The following DUSP16 variants were observed in gnomAD, a reference collection of about 807,000 sequenced individuals.
DUSP16 encodes the protein dual specificity protein phosphatase 16.
DUSP16 carries 21 observed loss-of-function variants against 58.3 expected under a neutral mutation model. The observed-to-expected ratio is 0.36, with a 90% CI of 0.26 to 0.52. DUSP16 has a LOEUF of 0.52. Among genes scored for constraint, DUSP16 ranks in the 20% least tolerant of loss-of-function variants. The pLI, the probability that DUSP16 is intolerant of heterozygous loss-of-function variation, is 0.94. For missense variants in DUSP16, 726 were observed against 819.0 expected, an observed-to-expected ratio of 0.89 and a Z score of 1.39; for synonymous variants, 320 against 323.8, an observed-to-expected ratio of 0.99 and a Z score of 0.12.
chr12:12,501,531 A>G (rs1238871589), intron 3 of DUSP16, among the ~76,000 whole-genome samples: 2 of 152,234 alleles, frequency 1.3e-5, no homozygotes, highest in Non-Finnish European at 2.9e-5. Context: ...AAAATGAGTA[A>G]GGTTATTTGC....
intron 4 of DUSP16, among the ~76,000 whole-genome samples, chr12:12,495,102 G>C (rs990866118): frequency 2.0e-5 from 3 of 152,062 alleles, no homozygotes; most frequent in Non-Finnish European, 4.4e-5. Flanking sequence ...ATTTTGTAAA[G>C]CCAGTATGAG....
chr12:12,530,068 AT>A (rs373138096), intron 1 of DUSP16, among the ~76,000 whole-genome samples: 1 of 151,790 alleles, frequency 6.6e-6, no homozygotes, highest in African/African-American at 2.4e-5. Flanking sequence ...TCTATTTTTA[AT>A]TTTTTTTGAG....
At position 12,517,876 on chromosome 12, in the gene DUSP16, G is replaced by A. The variant is rs112329809; in HGVS notation, c.367+1986C>T. 1.7e-3 allele frequency among the ~76,000 whole-genome samples: 256 copies of A among 152,242 alleles called. 1 individual carries two copies. The highest frequency in any genetic ancestry group is 5.9e-3 in the African/African-American group (246 of 41,530). On this transcript the variant is annotated intron_variant, in intron 3 of 6. Coordinates refer to ENST00000298573, the MANE Select transcript of DUSP16 (RefSeq NM_030640.3). ...TTCCTGTTTGAAACAGGGATGTCAG[G>A]GTGTTCTGACTCAGTGTGTCACACC...
rs73291699 is a variant in DUSP16, at chr12:12,517,225, G to C, written c.367+2637C>G. Among the ~76,000 whole-genome samples, 428 of 152,302 alleles carry C rather than the reference G, an allele frequency of 2.8e-3. 2 individuals are homozygous for C. Among genetic ancestry groups the C allele is most frequent in the African/African-American group, 9.8e-3 (409 of 41,554 alleles). On this transcript the variant is annotated intron_variant, in intron 3 of 6. Coordinates refer to ENST00000298573, the MANE Select transcript of DUSP16 (RefSeq NM_030640.3). ...GATGCTTTCTTTTCTCAAGGTGGCT[G>C]AAAGTTCTAAACCGATGGAAAAATT...
intron 1 of DUSP16, among the ~76,000 whole-genome samples, chr12:12,542,009 A>T (rs1944566591): frequency 6.6e-6 from 1 of 152,236 alleles, no homozygotes; most frequent in African/African-American, 2.4e-5. Context: ...ATATGGGAGA[A>T]CCCCAAAAAC....
intron 1 of DUSP16, among the ~76,000 whole-genome samples, chr12:12,540,597 C>T (rs899221708): frequency 2.0e-5 from 3 of 152,256 alleles, no homozygotes; most frequent in East Asian, 3.9e-4. Flanking sequence ...TATAAGGCTC[C>T]GTGAGATCAC....
chr12:12,561,696 C>T (rs1331989705), intron 1 of DUSP16, among the ~76,000 whole-genome samples: 2 of 152,186 alleles, frequency 1.3e-5, no homozygotes, highest in Non-Finnish European at 2.9e-5. Flanking sequence ...CCCCACTTGG[C>T]AGGCGTGTTG....
At position 12,551,739 on chromosome 12, in the gene DUSP16, C is replaced by A. The variant is rs1367415277; in HGVS notation, c.-366+10378G>T. On this transcript the variant is annotated intron_variant, in intron 1 of 6. Transcript: ENST00000298573. The stretch of plus-strand genomic sequence containing the variant: ...ATGGAATATCGCTCTGTTACCCATG[C>A]TGGAGTGCAGTGGCACGATCTCAGC... Among the ~76,000 whole-genome samples, 11 of 147,718 alleles carry A rather than the reference C, an allele frequency of 7.4e-5. 1 individual carries two copies. The Admixed American group carries it at 7.6e-4, about 10-fold the overall frequency.
At chr12:12,494,437 T>C (rs910385471) in intron 4 of DUSP16, among the ~76,000 whole-genome samples, 1 of 152,154 alleles carries the variant, frequency 6.6e-6, no homozygotes, top group South Asian at 2.1e-4. Flanking sequence ...GAGGGATGAA[T>C]AGTCTACTAG....
chr12:12,547,201 G>C (rs1197427646), intron 1 of DUSP16, among the ~76,000 whole-genome samples: 1 of 152,154 alleles, frequency 6.6e-6, no homozygotes, highest in Non-Finnish European at 1.5e-5. Context: ...GGCCGAGGCA[G>C]GTGGATCACC....
intron 1 of DUSP16, among the ~76,000 whole-genome samples, chr12:12,553,714 T>C (rs1944767671): frequency 6.6e-6 from 1 of 151,834 alleles, no homozygotes; most frequent in Non-Finnish European, 1.5e-5. Context: ...AGCCAATTTT[T>C]TGTATTTTTT....
At chr12:12,549,218 CCT>C (rs34021394) in intron 1 of DUSP16, among the ~76,000 whole-genome samples, 36,586 of 151,864 alleles carry the variant, frequency 0.24, 5,066 homozygotes, top group Non-Finnish European at 0.29. Context: ...GCTGCTTTCC[CCT>C]GTGTAACTGA....
chr12:12,495,018 G>A (rs569665089), intron 4 of DUSP16, among the ~76,000 whole-genome samples: 1 of 152,134 alleles, frequency 6.6e-6, no homozygotes, highest in African/African-American at 2.4e-5. Flanking sequence ...TCATCGCCTG[G>A]GTGATCTTGG....
At chr12:12,480,479 A>C in intron 5 of DUSP16, 133 bp from the exon 6 acceptor site, 1 of 1,023,276 alleles carries the variant, frequency 9.8e-7, no homozygotes. Context: ...TATCATATTT[A>C]TCCTCGCAAT....
At chr12:12,519,697 T>C (rs564598074) in intron 3 of DUSP16, among the ~76,000 whole-genome samples, 165 bp downstream of exon 3, 4 of 152,322 alleles carry the variant, frequency 2.6e-5, no homozygotes, top group South Asian at 2.1e-4. Context: ...AAGAATGATA[T>C]AGTATTCAAG....
In DUSP16 at chr12:12,562,292, A is replaced by T. The variant is rs922308770; in HGVS notation, c.-541T>A. ...CTCTCCTCCTCCTCTTCTTTTCAGT[A>T]TATTATCTTCTCCTTCTCTGAGGGG... On this transcript the variant is annotated 5_prime_UTR_variant, in exon 1 of 7. Transcript: ENST00000298573. The T allele has an allele frequency of 7.2e-6, 1 of 139,316 alleles. No individual in the cohort carries two copies. Among genetic ancestry groups the T allele is most frequent in the Non-Finnish European group, 1.6e-5 (1 of 63,868 alleles). The allele number at this position is 139,316 out of a possible 1,614,324, so 8.6% of individuals were successfully genotyped here. A position where few individuals can be genotyped will look rare whatever the true frequency, so the allele number is the denominator to read the frequency against.
At chr12:12,488,578 G>A (rs964387151) in intron 4 of DUSP16, among the ~76,000 whole-genome samples, 2 of 152,100 alleles carry the variant, frequency 1.3e-5, no homozygotes, top group African/African-American at 4.8e-5. Flanking sequence ...CTCAGGAGAC[G>A]TTCCAAGCCT....
chr12:12,484,667 G>T (rs1489862241), intron 5 of DUSP16, among the ~76,000 whole-genome samples: 2 of 152,010 alleles, frequency 1.3e-5, no homozygotes, highest in Non-Finnish European at 2.9e-5. Context: ...TGTTGCCAAG[G>T]CTGGAGTGCA....
chr12:12,511,449 T>C (rs569310590), intron 3 of DUSP16, among the ~76,000 whole-genome samples: 1 of 152,304 alleles, frequency 6.6e-6, no homozygotes, highest in African/African-American at 2.4e-5. Flanking sequence ...AAATCCACTC[T>C]GGTCTGCTCA....
Sources: allele counts gnomAD v4.1 joint callset (sites outside exome capture counted in the v4.1 genomes callset), GRCh38; gene constraint gnomAD v4.1.1; transcripts MANE v1.5; gene names NCBI Gene and HGNC (gene_info 2026-07-23, HGNC 2026-07-21).